LRFN5: variants seen among roughly 807,000 people sequenced by gnomAD.
LRFN5 encodes the protein leucine rich repeat and fibronectin type III domain containing 5.
In LRFN5, 24 loss-of-function variants were observed where a neutral mutation model predicts 45.6. The observed-to-expected ratio is 0.53, with a 90% CI of 0.38 to 0.74. LRFN5 has a LOEUF of 0.74. LRFN5 is among the 30% of genes least tolerant of loss of function. LRFN5 has a pLI of 0.00. For synonymous variants in LRFN5, 340 were observed against 313.8 expected (o/e 1.08, Z -0.88); for missense variants, 776 against 861.5 (o/e 0.90, Z 1.24).
At chr14:41,890,267 G>A (rs753742110) in intron 3 of LRFN5, among the ~76,000 whole-genome samples, 9 of 151,942 alleles carry the variant, frequency 5.9e-5, no homozygotes, top group Non-Finnish European at 1.0e-4. Flanking sequence ...ACGGGATGAG[G>A]GATTTATGCT....
intron 4 of LRFN5, chr14:41,893,728 G>C (rs1195952483): frequency 1.5e-5 from 15 of 985,282 alleles, no homozygotes; most frequent in Non-Finnish European, 1.7e-5. Flanking sequence ...AAAGTAGTTA[G>C]AGATTACTTT....
chr14:41,860,106 C>G (rs183546578), intron 2 of LRFN5, among the ~76,000 whole-genome samples: 5 of 152,216 alleles, frequency 3.3e-5, no homozygotes, highest in Admixed American at 3.3e-4. Context: ...AACACAATTC[C>G]AGCTATCCAG....
Position 41,891,872 on chromosome 14 carries a change from A to G in LRFN5, c.2008A>G (p.Arg670Gly). 1 of 1,614,204 alleles carries G rather than the reference A, an allele frequency of 6.2e-7. No homozygotes were observed. Among genetic ancestry groups the G allele is most frequent in the Non-Finnish European group, 8.5e-7 (1 of 1,180,044 alleles). Residue 670 changes from arginine (R) to glycine (G), a missense_variant, in exon 4 of 6, where the codon AGG becomes GGG. Coordinates refer to ENST00000298119, the MANE Select transcript of LRFN5 (RefSeq NM_152447.5). ...VTNVESQNTNRNNSTALQLAS... is the reference protein window; with the variant it reads ...VTNVESQNTNGNNSTALQLAS... ...AAATGTTGAATCCCAAAACACTAAC[A>G]GGAACAACTCAACTGCCTTGCAGTT...
intron 2 of LRFN5, among the ~76,000 whole-genome samples, chr14:41,847,236 T>C (rs762811204): frequency 9.2e-5 from 14 of 152,100 alleles, no homozygotes; most frequent in Admixed American, 2.6e-4. Flanking sequence ...CTGTTAAAAG[T>C]GAGCTAGTCC....
At chr14:41,713,965 A>G (rs1429280865) in intron 1 of LRFN5, among the ~76,000 whole-genome samples, 3 of 152,152 alleles carry the variant, frequency 2.0e-5, no homozygotes, top group Non-Finnish European at 4.4e-5. Context: ...TCAAATGCCC[A>G]CTGTCAGAGC....
intron 2 of LRFN5, among the ~76,000 whole-genome samples, chr14:41,878,735 A>G (rs1890272768): frequency 6.6e-6 from 1 of 152,138 alleles, no homozygotes; most frequent in Non-Finnish European, 1.5e-5. Context: ...CGTGCTTGAA[A>G]TGGCTTTACT....
chr14:41,749,254 T>G (rs1885035941), intron 1 of LRFN5, among the ~76,000 whole-genome samples: 1 of 152,142 alleles, frequency 6.6e-6, no homozygotes, highest in Non-Finnish European at 1.5e-5. Context: ...TATGTTGTAT[T>G]GTCTTATAAA....
intron 4 of LRFN5, chr14:41,892,520 C>G: frequency 1.0e-6 from 1 of 972,824 alleles, no homozygotes; most frequent in South Asian, 4.8e-5. Context: ...AAAGGGCCAC[C>G]TATGGATAAT....
At chr14:41,871,672 G>A (rs949359216) in intron 2 of LRFN5, among the ~76,000 whole-genome samples, 39 of 151,928 alleles carry the variant, frequency 2.6e-4, no homozygotes, top group South Asian at 8.3e-4. Context: ...CAAAGCAGCC[G>A]TATCTATCCA....
chr14:41,641,913 C>T (rs1157689722), intron 1 of LRFN5, among the ~76,000 whole-genome samples: 7 of 151,990 alleles, frequency 4.6e-5, no homozygotes, highest in African/African-American at 7.2e-5. Context: ...GCCTCTTGAG[C>T]GAGAAAAATG....
rs1399891958 is a variant in LRFN5 at position 41,891,841 on chromosome 14, C to T, written c.1977C>T (p.Ala659=). ...CAAGTACAGAACCACAGAATGAAGC[C>T]GTCACAAATGTTGAATCCCAAAACA... ...TKPSTEPQNE[A]VTNVESQNTN... is the part of the protein sequence containing the mutation. The change falls in exon 4 of 6, where the codon GCC becomes GCT. Residue 659 remains alanine, a synonymous_variant. Transcript: ENST00000298119. 11 of 1,614,130 alleles carry T rather than the reference C, an allele frequency of 6.8e-6. No homozygotes were observed. Among genetic ancestry groups the T allele is most frequent in the Non-Finnish European group, 9.3e-6 (11 of 1,180,024 alleles).
chr14:41,850,280 TCTGA>T (rs1337557202), intron 2 of LRFN5, among the ~76,000 whole-genome samples: 13 of 152,006 alleles, frequency 8.6e-5, no homozygotes, highest in Non-Finnish European at 1.6e-4. Context: ...TCATGAAAGA[TCTGA>T]CTAATGAGTG....
chr14:41,843,371 T>C (rs1888933702), intron 2 of LRFN5, among the ~76,000 whole-genome samples: 1 of 152,084 alleles, frequency 6.6e-6, no homozygotes. Flanking sequence ...TGGGATTTCA[T>C]ACGTGAGAAA....
At chr14:41,803,507 G>C (rs1044737759) in intron 2 of LRFN5, among the ~76,000 whole-genome samples, 1 of 150,278 alleles carries the variant, frequency 6.7e-6, no homozygotes, top group Non-Finnish European at 1.5e-5. Context: ...GCACCCCTTT[G>C]TGCCAGGATA....
At chr14:41,805,485 C>A (rs1475884557) in intron 2 of LRFN5, among the ~76,000 whole-genome samples, 1 of 150,058 alleles carries the variant, frequency 6.7e-6, no homozygotes. Context: ...ATACATGTGC[C>A]ATGTTGGTGT....
chr14:41,752,366 T>G (rs947362237), intron 1 of LRFN5, among the ~76,000 whole-genome samples: 7 of 152,306 alleles, frequency 4.6e-5, no homozygotes, highest in Middle Eastern at 3.4e-3. Flanking sequence ...GTTGAACTAG[T>G]TTACAGTCCC....
chr14:41,802,560 A>G (rs1209073155), intron 2 of LRFN5, among the ~76,000 whole-genome samples: 1 of 152,174 alleles, frequency 6.6e-6, no homozygotes, highest in Non-Finnish European at 1.5e-5. Flanking sequence ...GAGGAGTTGG[A>G]AAAATGTTTT....
intron 2 of LRFN5, among the ~76,000 whole-genome samples, chr14:41,767,775 A>G (rs151001062): frequency 4.1e-4 from 62 of 152,282 alleles, no homozygotes; most frequent in Middle Eastern, 3.4e-3. Context: ...AATCAGGTAA[A>G]TGTATTAGTT....
In LRFN5 at chr14:41,904,310, A is replaced by C. The variant is rs1891190171; in HGVS notation, c.*135A>C. 1.8e-6 allele frequency: 2 copies of C among 1,084,388 alleles called. No homozygotes were observed. Among genetic ancestry groups the C allele is most frequent in the South Asian group, 2.7e-5 (2 of 75,456 alleles). The allele number at this position is 1,084,388 out of a possible 1,614,324, so 67.2% of individuals were successfully genotyped here. A position where few individuals can be genotyped will look rare whatever the true frequency, so the allele number is the denominator to read the frequency against. On this transcript the variant is annotated 3_prime_UTR_variant, in exon 6 of 6. Coordinates refer to ENST00000298119, the MANE Select transcript of LRFN5 (RefSeq NM_152447.5). The stretch of plus-strand genomic sequence containing the variant: ...TAGAAGAAATTGTCTACAGGAGCCA[A>C]GGTGAAAGTCTCTGATGACGGCGGA...
Sources: allele counts gnomAD v4.1 joint callset (sites outside exome capture counted in the v4.1 genomes callset), GRCh38; gene constraint gnomAD v4.1.1; transcripts MANE v1.5; gene names NCBI Gene and HGNC (gene_info 2026-07-23, HGNC 2026-07-21).